Variants in NAALADL2 observed in about 807,000 individuals in gnomAD.
NAALADL2 encodes inactive N-acetylated-alpha-linked acidic dipeptidase-like protein 2.
Under a neutral mutation model 87.2 loss-of-function variants are expected in NAALADL2, and 76 were observed. The observed-to-expected ratio is 0.87, with a 90% CI of 0.72 to 1.05. NAALADL2 has a LOEUF of 1.05. Among genes scored for constraint, NAALADL2 ranks in the 50% least tolerant of loss-of-function variants. The pLI is 0.00. For synonymous variants in NAALADL2, 354 were observed against 331.0 expected, an observed-to-expected ratio of 1.07 and a Z score of -0.75; for missense variants, 1,089 against 945.8, an observed-to-expected ratio of 1.15 and a Z score of -1.99.
intron 10 of NAALADL2, among the ~76,000 whole-genome samples, chr3:175,611,096 G>A (rs1373161766): frequency 2.0e-5 from 3 of 151,992 alleles, no homozygotes; most frequent in Non-Finnish European, 4.4e-5. Context: ...TTTCTACTTA[G>A]CTAAGTCTAC....
intron 3 of NAALADL2, among the ~76,000 whole-genome samples, chr3:175,237,178 C>T (rs983563043): frequency 7.9e-5 from 12 of 152,010 alleles, no homozygotes; most frequent in Non-Finnish European, 1.5e-4. Context: ...CTTCAACCTT[C>T]TTACTTTTAA....
intron 11 of NAALADL2, chr3:175,718,631 C>A: frequency 6.3e-7 from 1 of 1,591,578 alleles, no homozygotes; most frequent in East Asian, 2.2e-5. Flanking sequence ...TCGGAAATTG[C>A]GAGGGACTTT....
chr3:174,772,203 G>A (rs1405764708), intron 3 of NAALADL2, among the ~76,000 whole-genome samples: 1 of 152,118 alleles, frequency 6.6e-6, no homozygotes, highest in African/African-American at 2.4e-5. Context: ...TATATTCAAT[G>A]TCATTGGACT....
At chr3:174,647,707 A>G (rs1723940894) in intron 2 of NAALADL2, among the ~76,000 whole-genome samples, 1 of 152,176 alleles carries the variant, frequency 6.6e-6, no homozygotes, top group Non-Finnish European at 1.5e-5. Context: ...TCTAGAATTG[A>G]CCCAGGATCT....
chr3:175,522,816 T>G (rs1732835408), intron 9 of NAALADL2, among the ~76,000 whole-genome samples: 1 of 152,222 alleles, frequency 6.6e-6, no homozygotes, highest in Non-Finnish European at 1.5e-5. Context: ...TTTGGTAAAC[T>G]GTAGTTGGGG....
intron 3 of NAALADL2, 60 bp from the exon 4 acceptor site, chr3:175,256,351 C>T: frequency 6.7e-7 from 1 of 1,483,546 alleles, no homozygotes; most frequent in Non-Finnish European, 9.1e-7. Context: ...ACTAAATGGA[C>T]AATTGGCTAT....
intron 3 of NAALADL2, among the ~76,000 whole-genome samples, chr3:174,831,511 A>G (rs1295001021): frequency 6.9e-6 from 1 of 145,546 alleles, no homozygotes; most frequent in Non-Finnish European, 1.5e-5. Context: ...TCGTTTTGCC[A>G]GTATTTTATT....
chr3:174,612,406 T>G (rs1720017178), intron 2 of NAALADL2, among the ~76,000 whole-genome samples: 1 of 152,188 alleles, frequency 6.6e-6, no homozygotes, highest in Non-Finnish European at 1.5e-5. Context: ...ATTTGCTCTT[T>G]AAGGCCGATA....
At chr3:174,799,771 G>A (rs1056129793) in intron 3 of NAALADL2, among the ~76,000 whole-genome samples, 3 of 152,264 alleles carry the variant, frequency 2.0e-5, no homozygotes, top group Non-Finnish European at 4.4e-5. Context: ...GGAAAATGTG[G>A]GAAAGTTTGG....
chr3:174,604,344 G>A (rs1718761108), intron 2 of NAALADL2, among the ~76,000 whole-genome samples: 1 of 151,942 alleles, frequency 6.6e-6, no homozygotes, highest in Non-Finnish European at 1.5e-5. Context: ...TTTAGTCTTT[G>A]TCTTGAAATC....
At chr3:175,697,479 A>G (rs1270353252) in intron 11 of NAALADL2, among the ~76,000 whole-genome samples, 2 of 151,508 alleles carry the variant, frequency 1.3e-5, no homozygotes, top group African/African-American at 4.9e-5. Flanking sequence ...TTTTAGGTGT[A>G]GTAGTTGAGT....
intron 1 of NAALADL2, among the ~76,000 whole-genome samples, chr3:174,898,776 C>T (rs1231575380): frequency 6.9e-6 from 1 of 145,578 alleles, no homozygotes; most frequent in Admixed American, 7.2e-5. Context: ...TAAAACTAAA[C>T]TGTATTTTTT....
At chr3:174,685,011 G>A (rs1578539532) in intron 2 of NAALADL2, among the ~76,000 whole-genome samples, 1 of 151,646 alleles carries the variant, frequency 6.6e-6, no homozygotes, top group South Asian at 2.1e-4. Context: ...GAATGACTTG[G>A]TTCTTATTTT....
intron 1 of NAALADL2, among the ~76,000 whole-genome samples, chr3:174,987,154 G>T (rs2108683576): frequency 6.6e-6 from 1 of 152,214 alleles, no homozygotes; most frequent in East Asian, 1.9e-4. Context: ...GAAATTTAGG[G>T]TTTAAAGGAT....
intron 4 of NAALADL2, among the ~76,000 whole-genome samples, chr3:175,282,520 T>A (rs1754436996): frequency 6.6e-6 from 1 of 152,014 alleles, no homozygotes; most frequent in African/African-American, 2.4e-5. Context: ...ATCATCTGAA[T>A]AAAAGTAAAC....
intron 1 of NAALADL2, among the ~76,000 whole-genome samples, chr3:174,474,540 C>G (rs1354727448): frequency 6.6e-6 from 1 of 152,060 alleles, no homozygotes; most frequent in Non-Finnish European, 1.5e-5. Flanking sequence ...ACTTGAAAAT[C>G]AGTAATATTT....
chr3:174,555,339 G>A (rs534491669), intron 2 of NAALADL2, among the ~76,000 whole-genome samples: 2 of 152,018 alleles, frequency 1.3e-5, no homozygotes, highest in Admixed American at 6.5e-5. Flanking sequence ...CACTCTTGTC[G>A]CCCAGCCTGG....
chr3:175,398,582 G>A (rs1770146292), intron 5 of NAALADL2, among the ~76,000 whole-genome samples: 1 of 151,862 alleles, frequency 6.6e-6, no homozygotes, highest in South Asian at 2.1e-4. Context: ...TATCTTTTCA[G>A]AAAAGGAACT....
At chr3:174,578,267 A>G (rs1222800435) in intron 2 of NAALADL2, among the ~76,000 whole-genome samples, 1 of 151,992 alleles carries the variant, frequency 6.6e-6, no homozygotes, top group African/African-American at 2.4e-5. Context: ...ATTGATTTTT[A>G]TATCCACAAA....
Sources: gnomAD v4.1 joint callset for allele counts (sites outside exome capture counted in the v4.1 genomes callset) on GRCh38, gnomAD v4.1.1 for gene constraint, MANE v1.5 for transcripts, NCBI Gene and HGNC (gene_info 2026-07-23, HGNC 2026-07-21) for gene names.